Variants in WDR45 observed in about 807,000 individuals in gnomAD.
WDR45 encodes WD repeat domain 45.
A neutral mutation model predicts 27.3 loss-of-function variants in WDR45; 2 were observed. The ratio of observed to expected loss-of-function variants is 0.07; its 90% CI spans 0.03 to 0.23. The LOEUF (loss-of-function observed/expected upper bound fraction) is 0.23, where lower values mean the gene tolerates loss of function less well. WDR45 is among the 10% of genes least tolerant of loss of function. The pLI, the probability that WDR45 is intolerant of heterozygous loss-of-function variation, is 1.00. For missense variants in WDR45, 175 were observed against 311.9 expected (o/e 0.56, Z 3.31); for synonymous variants, 99 against 119.2 (o/e 0.83, Z 1.11).
In WDR45 at chrX:49,074,532, A is replaced by G; in HGVS notation, c.*271T>C. On this transcript the variant is annotated 3_prime_UTR_variant, in exon 11 of 11. Transcript: ENST00000376372. ...AAAAATCCCCAGGTTGGATTAGGGC[A>G]CTCCCTCTGGGTCCCTGGCAATTTC... 3 of 385,817 alleles carry G rather than the reference A, an allele frequency of 7.8e-6. No individual in the cohort carries two copies. The highest frequency in any genetic ancestry group is 1.3e-5 in the Non-Finnish European group (3 of 224,411). The allele number at this position is 385,817 out of a possible 1,213,427, so 31.8% of individuals were successfully genotyped here.
At chrX:49,081,531 A>G (rs370014374), upstream of WDR45, among the ~76,000 whole-genome samples, 1 of 97,521 alleles carries the variant, frequency 1.0e-5, no homozygotes, top group Non-Finnish European at 2.1e-5. Context: ...CTCTGTCTCG[A>G]AAAAAAAAAA....
chrX:49,091,674 G>A (rs1557086650), intron 2 of WDR45, among the ~76,000 whole-genome samples: 2 of 84,520 alleles, frequency 2.4e-5, no homozygotes, highest in African/African-American at 4.4e-5. Flanking sequence ...GCGTGAACCC[G>A]GGAAGCGGAG....
chrX:49,099,883 T>A (rs2065139589), intron 2 of WDR45, among the ~76,000 whole-genome samples: 1 of 110,582 alleles, frequency 9.0e-6, no homozygotes, highest in African/African-American at 3.3e-5. Flanking sequence ...ATATCAACGT[T>A]GTTTCTTGGG....
chrX:49,090,237 T>C (rs1276128652), intron 2 of WDR45, among the ~76,000 whole-genome samples: 2 of 110,876 alleles, frequency 1.8e-5, no homozygotes, highest in Non-Finnish European at 3.8e-5. Context: ...CTATATTATG[T>C]ATTTCTAGTA....
chrX:49,099,813 A>C (rs188379096), intron 2 of WDR45, among the ~76,000 whole-genome samples: 40 of 109,352 alleles, frequency 3.7e-4, no homozygotes, highest in African/African-American at 1.2e-3. Context: ...ACAAAAAAAA[A>C]CACACAGTGT....
At chrX:49,091,366 G>C (rs1244027778) in intron 2 of WDR45, among the ~76,000 whole-genome samples, 1 of 111,370 alleles carries the variant, frequency 9.0e-6, no homozygotes, top group Non-Finnish European at 1.9e-5. Context: ...ACTTGAAACC[G>C]GGAGGTGGAG....
chrX:49,091,069 C>T (rs1311177576), intron 2 of WDR45, among the ~76,000 whole-genome samples: 2 of 109,173 alleles, frequency 1.8e-5, no homozygotes, highest in Non-Finnish European at 3.8e-5. Context: ...GTGATCCGCC[C>T]GCCTCGGCCT....
At chrX:49,092,192 C>G (rs1332463198) in intron 2 of WDR45, among the ~76,000 whole-genome samples, 1 of 101,291 alleles carries the variant, frequency 9.9e-6, no homozygotes, top group Non-Finnish European at 2.0e-5. Flanking sequence ...ATTTTGTATA[C>G]TTTGTTATAT....
intron 4 of WDR45, 77 bp from the exon 5 acceptor site, chrX:49,076,827 T>C: frequency 1.1e-6 from 1 of 869,644 alleles, no homozygotes; most frequent in Non-Finnish European, 1.7e-6. Context: ...GATCCACCCC[T>C]GCTTCCCAGG....
At chrX:49,097,577 C>T (rs2065130093) in intron 2 of WDR45, among the ~76,000 whole-genome samples, 1 of 109,816 alleles carries the variant, frequency 9.1e-6, no homozygotes. Context: ...ATCTGCCCGC[C>T]TCGGCCTCCC....
At chrX:49,076,774 T>C in intron 4 of WDR45, 24 bp from the exon 5 acceptor site, 1 of 1,166,430 alleles carries the variant, frequency 8.6e-7, no homozygotes, top group East Asian at 3.1e-5. Context: ...GGGTGGGTTG[T>C]CGGGGCCAAG....
chrX:49,087,407 C>T (rs974386404), intron 2 of WDR45, among the ~76,000 whole-genome samples: 1 of 111,797 alleles, frequency 8.9e-6, no homozygotes, highest in Non-Finnish European at 1.9e-5. Context: ...CCTGTAATCC[C>T]AGCTACTCGG....
upstream of WDR45, among the ~76,000 whole-genome samples, chrX:49,082,332 T>A (rs2065070859): frequency 9.0e-6 from 1 of 111,650 alleles, no homozygotes; most frequent in Non-Finnish European, 1.9e-5. Flanking sequence ...TTTTAACTGG[T>A]TCATGATATT....
intron 2 of WDR45, among the ~76,000 whole-genome samples, chrX:49,088,803 A>G (rs1478474049): frequency 1.8e-5 from 2 of 111,679 alleles, no homozygotes; most frequent in Non-Finnish European, 3.8e-5. Context: ...AGCTATGATC[A>G]TGCACTACAA....
At chrX:49,095,438 T>C (rs1269790617) in intron 2 of WDR45, among the ~76,000 whole-genome samples, 1 of 108,780 alleles carries the variant, frequency 9.2e-6, no homozygotes, top group Non-Finnish European at 1.9e-5. Context: ...TAGCTGAGAC[T>C]ATAGGTTCAC....
intron 2 of WDR45, among the ~76,000 whole-genome samples, chrX:49,098,940 T>C (rs192407201): frequency 1.8e-5 from 2 of 112,353 alleles, no homozygotes; most frequent in East Asian, 2.8e-4. Context: ...AACTGAAGTA[T>C]ATACAAAGTA....
intron 4 of WDR45, 123 bp from the exon 5 acceptor site, chrX:49,076,873 A>G: frequency 1.8e-6 from 1 of 540,598 alleles, no homozygotes; most frequent in South Asian, 2.7e-5. Flanking sequence ...TCAATAAACA[A>G]CCAGTGAGAT....
At chrX:49,096,286 A>C (rs1342107362) in intron 2 of WDR45, among the ~76,000 whole-genome samples, 1 of 110,826 alleles carries the variant, frequency 9.0e-6, no homozygotes, top group East Asian at 2.8e-4. Flanking sequence ...GCCGCAGTGC[A>C]GTGGCGTAAT....
intron 2 of WDR45, among the ~76,000 whole-genome samples, chrX:49,090,853 A>G (rs2065102156): frequency 1.0e-5 from 1 of 99,445 alleles, no homozygotes; most frequent in African/African-American, 3.9e-5. Flanking sequence ...TTTTTTTTTG[A>G]GACGGAGTCT....
Sources: gnomAD v4.1 joint callset for allele counts (sites outside exome capture counted in the v4.1 genomes callset) on GRCh38, gnomAD v4.1.1 for gene constraint, MANE v1.5 for transcripts, NCBI Gene and HGNC (gene_info 2026-07-23, HGNC 2026-07-21) for gene names.